Variants in RHBDD1 observed in about 807,000 individuals in gnomAD.
RHBDD1 encodes the protein rhomboid domain containing 1.
RHBDD1 carries 38 observed loss-of-function variants against 36.3 expected under a neutral mutation model. The observed-to-expected ratio is 1.05, with a 90% confidence interval of 0.81 to 1.37. The LOEUF (loss-of-function observed/expected upper bound fraction) is 1.37. Ranked by LOEUF, RHBDD1 falls within the 40% of genes most tolerant of loss-of-function variation. The pLI is 0.00. For missense variants in RHBDD1, 393 were observed against 377.6 expected, an observed-to-expected ratio of 1.04 and a Z score of -0.34; for synonymous variants, 151 against 136.5, an observed-to-expected ratio of 1.11 and a Z score of -0.74.
At chr2:226,833,977 C>T (rs1940807690), upstream of RHBDD1, among the ~76,000 whole-genome samples, 1 of 152,130 alleles carries the variant, frequency 6.6e-6, no homozygotes, top group African/African-American at 2.4e-5. Flanking sequence ...ATATTTTTTT[C>T]TATCTGTTAA....
intron 1 of RHBDD1, 132 bp from the exon 2 acceptor site, chr2:226,837,941 C>G (rs62191013): frequency 6.6e-6 from 1 of 152,126 alleles, no homozygotes; most frequent in Non-Finnish European, 1.5e-5. Flanking sequence ...TCCCATATGT[C>G]GTACAACTCC....
At chr2:226,974,877 C>T (rs955975705) in intron 8 of RHBDD1, among the ~76,000 whole-genome samples, 12 of 152,306 alleles carry the variant, frequency 7.9e-5, no homozygotes, top group African/African-American at 2.9e-4. Context: ...GGCTCAGGGA[C>T]ATCCTGGAGA....
At chr2:226,949,135 C>G (rs1951233932) in intron 8 of RHBDD1, among the ~76,000 whole-genome samples, 1 of 152,182 alleles carries the variant, frequency 6.6e-6, no homozygotes, top group Non-Finnish European at 1.5e-5. Context: ...AGGACACAAA[C>G]AAATGGAAAA....
intron 6 of RHBDD1, among the ~76,000 whole-genome samples, chr2:226,907,968 C>T (rs888920551): frequency 4.0e-5 from 6 of 151,894 alleles, no homozygotes; most frequent in African/African-American, 9.7e-5. Flanking sequence ...CATGATGAAG[C>T]GGTTAGTAAA....
the RHBDD1 span, among the ~76,000 whole-genome samples, chr2:226,811,312 G>GTT: frequency 6.6e-6 from 1 of 151,860 alleles, no homozygotes; most frequent in African/African-American, 2.4e-5. Context: ...TTATTTTTCT[G>GTT]TTTTTTTGAG....
intron 3 of RHBDD1, among the ~76,000 whole-genome samples, chr2:226,853,734 TGTG>T (rs1439411167): frequency 2.0e-5 from 3 of 152,196 alleles, no homozygotes; most frequent in Non-Finnish European, 2.9e-5. Context: ...CGTCCCCTCT[TGTG>T]GTGAGAGAGT....
upstream of RHBDD1, among the ~76,000 whole-genome samples, chr2:226,833,889 C>G (rs1285531986): frequency 6.6e-6 from 1 of 152,048 alleles, no homozygotes; most frequent in Non-Finnish European, 1.5e-5. Flanking sequence ...ATGCTCATTT[C>G]AACAGAAACT....
At chr2:226,969,159 G>A (rs1184197222) in intron 8 of RHBDD1, 1 of 154,642 alleles carries the variant, frequency 6.5e-6, no homozygotes, top group Non-Finnish European at 1.4e-5. Flanking sequence ...GGTGGCAGTA[G>A]CATTGGTGAG....
chr2:226,914,423 T>C, intron 8 of RHBDD1, 72 bp downstream of exon 8: 1 of 1,494,960 alleles, frequency 6.7e-7, no homozygotes, highest in East Asian at 2.3e-5. Flanking sequence ...AAAGAGCTAT[T>C]TGTAGCAAAT....
At chr2:226,943,103 CTAGTGTCA>C (rs2149169258) in intron 8 of RHBDD1, among the ~76,000 whole-genome samples, 1 of 152,220 alleles carries the variant, frequency 6.6e-6, no homozygotes, top group Non-Finnish European at 1.5e-5. Context: ...TCAAGGTGGT[CTAGTGTCA>C]TCTCATGGCA....
At chr2:226,826,283 A>C in the RHBDD1 span, among the ~76,000 whole-genome samples, 1 of 152,190 alleles carries the variant, frequency 6.6e-6, no homozygotes, top group Admixed American at 6.5e-5. Flanking sequence ...TTAAGTATTA[A>C]AACACTTGCA....
chr2:226,953,269 A>G (rs1211141000), intron 8 of RHBDD1, among the ~76,000 whole-genome samples: 1 of 152,168 alleles, frequency 6.6e-6, no homozygotes, highest in Non-Finnish European at 1.5e-5. Context: ...TCACATGAGC[A>G]CCAGTTAGAG....
At chr2:226,962,720 G>A (rs1952303280) in intron 8 of RHBDD1, among the ~76,000 whole-genome samples, 1 of 152,196 alleles carries the variant, frequency 6.6e-6, no homozygotes, top group Non-Finnish European at 1.5e-5. Flanking sequence ...GGAGGAGGAA[G>A]GCATCAAGTA....
At chr2:226,959,826 TTTA>T (rs1280491776) in intron 8 of RHBDD1, among the ~76,000 whole-genome samples, 6 of 152,146 alleles carry the variant, frequency 3.9e-5, no homozygotes, top group African/African-American at 1.4e-4. Context: ...TTGTTGTTTG[TTTA>T]TTTTTTGTTT....
At chr2:226,803,003 A>G in the RHBDD1 span, among the ~76,000 whole-genome samples, 1 of 152,234 alleles carries the variant, frequency 6.6e-6, no homozygotes, top group African/African-American at 2.4e-5. Flanking sequence ...AAACATTTCA[A>G]AATTATAAAA....
chr2:226,912,952 A>T (rs1187303256), intron 7 of RHBDD1, among the ~76,000 whole-genome samples: 2 of 152,186 alleles, frequency 1.3e-5, no homozygotes, highest in Non-Finnish European at 2.9e-5. Flanking sequence ...GTGTTTTGTC[A>T]TTCGTTGTTT....
At chr2:226,965,282 G>T (rs1427412512) in intron 8 of RHBDD1, among the ~76,000 whole-genome samples, 1 of 152,206 alleles carries the variant, frequency 6.6e-6, no homozygotes, top group African/African-American at 2.4e-5. Flanking sequence ...CATGGAATGG[G>T]TTCTCCTGCA....
At chr2:226,843,602 G>T (rs1365162841) in intron 3 of RHBDD1, among the ~76,000 whole-genome samples, 1 of 152,146 alleles carries the variant, frequency 6.6e-6, no homozygotes, top group Admixed American at 6.5e-5. Flanking sequence ...AACCAACCTG[G>T]CACCCCGGGA....
intron 5 of RHBDD1, chr2:226,869,100 G>A (rs1944572841): frequency 3.8e-6 from 3 of 782,782 alleles, no homozygotes; most frequent in Non-Finnish European, 4.6e-6. Flanking sequence ...ATATTCTTAT[G>A]CAACTATTTC....
Sources: gnomAD v4.1 joint callset for allele counts (sites outside exome capture counted in the v4.1 genomes callset) on GRCh38, gnomAD v4.1.1 for gene constraint, MANE v1.5 for transcripts, NCBI Gene and HGNC (gene_info 2026-07-23, HGNC 2026-07-21) for gene names.